Variants in OPTN observed in about 807,000 individuals in gnomAD.
OPTN encodes the protein optineurin.
In OPTN, 54 loss-of-function variants were observed where a neutral mutation model predicts 70.4. That is an observed-to-expected ratio of 0.77 (90% CI 0.62 to 0.96). The LOEUF is 0.96. OPTN is among the 40% of genes least tolerant of loss of function. The probability of loss-of-function intolerance (pLI) is 0.00; values close to 1 mark genes in which losing one functional copy is unlikely to be tolerated. For missense variants in OPTN, 624 were observed against 673.2 expected (o/e 0.93, Z 0.81); for synonymous variants, 256 against 248.5 (o/e 1.03, Z -0.28).
chr10:13,123,907 T>C (rs1280414202), intron 8 of OPTN, 88 bp from the exon 9 acceptor site: 1 of 900,668 alleles, frequency 1.1e-6, no homozygotes, highest in South Asian at 1.4e-5. Context: ...AATTGGCTAC[T>C]AATGGTTCAG....
chr10:13,129,571 T>G (rs572631480), intron 12 of OPTN, among the ~76,000 whole-genome samples: 32 of 138,410 alleles, frequency 2.3e-4, no homozygotes, highest in African/African-American at 7.8e-4. Flanking sequence ...CATGGTGGTC[T>G]CGAACAGTTG....
intron 5 of OPTN, among the ~76,000 whole-genome samples, chr10:13,115,104 TTATA>T (rs1242579046): frequency 1.1e-5 from 1 of 91,296 alleles, no homozygotes; most frequent in African/African-American, 4.9e-5. Flanking sequence ...TTATATATTT[TTATA>T]TATATTATAT....
At chr10:13,132,019 C>T in intron 12 of OPTN, 48 bp from the exon 13 acceptor site, 1 of 1,589,878 alleles carries the variant, frequency 6.3e-7, no homozygotes, top group Non-Finnish European at 8.6e-7. Context: ...CTGTAAGAAT[C>T]TGCATTCATC....
chr10:13,113,896 TA>T (rs140128491), intron 5 of OPTN, among the ~76,000 whole-genome samples: 2 of 147,464 alleles, frequency 1.4e-5, no homozygotes, highest in African/African-American at 2.5e-5. Context: ...TGTGTGTACA[TA>T]AAAAAAAAAT....
chr10:13,107,387 CTTTT>C (rs869161209), intron 1 of OPTN, among the ~76,000 whole-genome samples: 3 of 117,196 alleles, frequency 2.6e-5, no homozygotes, highest in Admixed American at 8.5e-5. Flanking sequence ...CCAAAACAGT[CTTTT>C]TTTTTTTTTT....
intron 12 of OPTN, among the ~76,000 whole-genome samples, chr10:13,130,407 A>C (rs1833568201): frequency 7.4e-6 from 1 of 136,024 alleles, no homozygotes; most frequent in Non-Finnish European, 1.5e-5. Flanking sequence ...CCTGGGCGAC[A>C]GAGCGAGACT....
In OPTN at chr10:13,137,611, G is replaced by A. The variant is rs952554956; in HGVS notation, c.*745G>A. On this transcript the variant is annotated 3_prime_UTR_variant, in exon 15 of 15. Coordinates refer to ENST00000378747, the MANE Select transcript of OPTN (RefSeq NM_001008212.2). ...CTGTTTTTGAAGCATTTTTAAAAAC[G>A]AATTGTAGTTGTTTTTCTTCATTTA... The A allele has an allele frequency of 1.0e-4, 24 of 231,062 alleles. No homozygotes were observed. The highest frequency in any genetic ancestry group is 7.3e-4 in the Admixed American group (13 of 17,712). 14.3% of individuals were successfully genotyped at this position (231,062 alleles called of 1,614,324 possible). A position where few individuals can be genotyped will look rare whatever the true frequency, so the allele number is the denominator to read the frequency against.
chr10:13,118,355 G>A (rs1046313644), intron 6 of OPTN, among the ~76,000 whole-genome samples: 2 of 152,186 alleles, frequency 1.3e-5, no homozygotes, highest in Non-Finnish European at 1.5e-5. Context: ...TTTTGAAATC[G>A]AGAAAAATAC....
intron 11 of OPTN, among the ~76,000 whole-genome samples, chr10:13,126,802 A>G (rs1036192475): frequency 2.0e-5 from 3 of 152,122 alleles, no homozygotes; most frequent in African/African-American, 7.2e-5. Context: ...CCAAGGCTGG[A>G]GGATCATTTG....
intron 5 of OPTN, among the ~76,000 whole-genome samples, chr10:13,115,039 TTA>T (rs1405776372): frequency 2.8e-3 from 34 of 12,204 alleles, no homozygotes; most frequent in Admixed American, 0.011. Flanking sequence ...TTATATATTT[TTA>T]TATATAGATA....
intron 10 of OPTN, 123 bp from the exon 11 acceptor site, chr10:13,125,823 G>T (rs764722228): frequency 1.2e-6 from 1 of 810,064 alleles, no homozygotes; most frequent in Non-Finnish European, 2.1e-6. Context: ...CTAGTAGGTC[G>T]TGGGGTGATA....
Position 13,105,225 on chromosome 10 carries a change from T to C in OPTN, c.-163-2913T>C, listed in dbSNP as rs534550538. On this transcript the variant is annotated intron_variant, in intron 1 of 14. Transcript: ENST00000378747. Reference sequence around the variant, plus strand: ...AAATATTTTTTCTAACAATACACAATATCACAGAATTTGCTGTCATTAGGA... The same window carrying C: ...AAATATTTTTTCTAACAATACACAACATCACAGAATTTGCTGTCATTAGGA... Among the ~76,000 whole-genome samples, 3 of 152,342 alleles carry C rather than the reference T, an allele frequency of 2.0e-5. No homozygotes were observed. In the East Asian group the frequency reaches 5.8e-4, roughly 29 times the overall value.
intron 1 of OPTN, chr10:13,104,640 G>C: frequency 1.5e-6 from 1 of 689,184 alleles, no homozygotes; most frequent in Non-Finnish European, 2.7e-6. Context: ...GTATTGTTCT[G>C]TTGCCCACTA....
chr10:13,112,989 C>G (rs1281853973), intron 5 of OPTN, among the ~76,000 whole-genome samples: 1 of 152,000 alleles, frequency 6.6e-6, no homozygotes, highest in Non-Finnish European at 1.5e-5. Context: ...CCGCAGTTCA[C>G]TTAAGGGAGC....
intron 1 of OPTN, chr10:13,104,803 C>G (rs1329431941): frequency 4.1e-6 from 2 of 483,432 alleles, no homozygotes; most frequent in African/African-American, 2.1e-5. Context: ...TGATGCTATT[C>G]GAGATGTTCA....
chr10:13,118,768 T>G, intron 6 of OPTN, 120 bp from the exon 7 acceptor site: 1 of 861,646 alleles, frequency 1.2e-6, no homozygotes, highest in East Asian at 2.4e-5. Flanking sequence ...TAGTTGAGAA[T>G]TAGTTGGAGA....
intron 12 of OPTN, chr10:13,131,390 G>T (rs1464711935): frequency 6.5e-6 from 1 of 152,676 alleles, no homozygotes; most frequent in Non-Finnish European, 1.5e-5. Context: ...AAGGATCACT[G>T]GAGCCATCTT....
chr10:13,104,626 T>C, intron 1 of OPTN: 1 of 686,452 alleles, frequency 1.5e-6, no homozygotes, highest in South Asian at 1.4e-5. Context: ...TTACCACCAT[T>C]CCAGTATTGT....
At position 13,138,156 on chromosome 10, in the gene OPTN, A is replaced by G. The variant is rs1833733906; in HGVS notation, c.*1290A>G. ...TGTGAGTTAGAAGTCATTCTTGCTG[A>G]GAAGGTGAATAGGTAGGGATTTGCC... On this transcript the variant is annotated 3_prime_UTR_variant, in exon 15 of 15. Coordinates refer to ENST00000378747, the MANE Select transcript of OPTN (RefSeq NM_001008212.2). 1 of 195,208 alleles carries G rather than the reference A, an allele frequency of 5.1e-6. No homozygotes were observed. The highest frequency in any genetic ancestry group is 1.1e-5 in the Non-Finnish European group (1 of 93,958). The allele number at this position is 195,208 out of a possible 1,614,324, so 12.1% of individuals were successfully genotyped here.
Sources: allele counts gnomAD v4.1 joint callset (sites outside exome capture counted in the v4.1 genomes callset), GRCh38; gene constraint gnomAD v4.1.1; transcripts MANE v1.5; gene names NCBI Gene and HGNC (gene_info 2026-07-23, HGNC 2026-07-21).